The following FABP12 variants were observed in gnomAD, a reference collection of about 807,000 sequenced individuals.
FABP12 encodes fatty acid binding protein 12.
Under a neutral mutation model 13.7 loss-of-function variants are expected in FABP12, and 19 were observed. That is an observed-to-expected ratio of 1.39 (90% CI 0.97 to 2.04). The LOEUF (loss-of-function observed/expected upper bound fraction) is 2.04, where lower values mean the gene tolerates loss of function less well. Among genes scored for constraint, FABP12 ranks in the 30% most tolerant of loss-of-function variants. The probability of loss-of-function intolerance (pLI) is 0.00; values close to 1 mark genes in which losing one functional copy is unlikely to be tolerated. For synonymous variants in FABP12, 61 were observed against 57.0 expected (o/e 1.07, Z -0.32); for missense variants, 182 against 164.2 (o/e 1.11, Z -0.59).
chr8:81,540,532 G>A (rs1166497983), intron 1 of FABP12, among the ~76,000 whole-genome samples: 1 of 152,124 alleles, frequency 6.6e-6, no homozygotes, highest in East Asian at 1.9e-4. Context: ...ACAAAATTGA[G>A]GGATATTCTA....
intron 1 of FABP12, among the ~76,000 whole-genome samples, chr8:81,571,909 A>G (rs1809938716): frequency 6.6e-6 from 1 of 152,060 alleles, no homozygotes; most frequent in South Asian, 2.1e-4. Flanking sequence ...TATGCTTACT[A>G]TTAAGATTTT....
intron 1 of FABP12, among the ~76,000 whole-genome samples, chr8:81,557,309 T>C (rs534834476): frequency 1.3e-5 from 2 of 152,230 alleles, no homozygotes; most frequent in Non-Finnish European, 2.9e-5. Context: ...TTTCCTGATA[T>C]GGACAAAGTA....
At chr8:81,568,327 G>C (rs1368351716) in intron 1 of FABP12, among the ~76,000 whole-genome samples, 3 of 152,082 alleles carry the variant, frequency 2.0e-5, no homozygotes, top group Non-Finnish European at 4.4e-5. Flanking sequence ...GATCTGAATA[G>C]ATATTTCTCA....
intron 1 of FABP12, among the ~76,000 whole-genome samples, chr8:81,569,829 G>A (rs1428065565): frequency 6.6e-6 from 1 of 152,180 alleles, no homozygotes; most frequent in African/African-American, 2.4e-5. Flanking sequence ...GATCTTTGGG[G>A]TGTTGCTTTT....
intron 1 of FABP12, among the ~76,000 whole-genome samples, chr8:81,574,986 G>A (rs1406711796): frequency 6.8e-5 from 10 of 147,772 alleles, no homozygotes; most frequent in Non-Finnish European, 1.5e-4. Context: ...CTTTTTTTCT[G>A]CTGGGTTTGG....
upstream of FABP12, among the ~76,000 whole-genome samples, chr8:81,535,013 G>A (rs1241088491): frequency 6.6e-6 from 1 of 152,198 alleles, no homozygotes; most frequent in Non-Finnish European, 1.5e-5. Flanking sequence ...GATCTTTCCT[G>A]ATTGAGGTAG....
At chr8:81,541,397 A>G (rs1415653285) in intron 1 of FABP12, among the ~76,000 whole-genome samples, 1 of 152,186 alleles carries the variant, frequency 6.6e-6, no homozygotes, top group Non-Finnish European at 1.5e-5. Flanking sequence ...CTGGGAATTA[A>G]CATTAGCTCA....
chr8:81,553,524 G>C (rs1000424806), intron 1 of FABP12, among the ~76,000 whole-genome samples: 1 of 152,040 alleles, frequency 6.6e-6, no homozygotes, highest in African/African-American at 2.4e-5. Context: ...TTTTTCTGCA[G>C]AGCAGAATTA....
intron 1 of FABP12, among the ~76,000 whole-genome samples, chr8:81,546,580 G>A (rs886883574): frequency 6.6e-6 from 1 of 152,104 alleles, no homozygotes; most frequent in Non-Finnish European, 1.5e-5. Context: ...GGAGAATGGC[G>A]TCAACCTGGG....
intron 1 of FABP12, among the ~76,000 whole-genome samples, chr8:81,569,879 T>C (rs1008865859): frequency 1.1e-4 from 16 of 152,248 alleles, no homozygotes; most frequent in Admixed American, 2.6e-4. Context: ...TTTGCCCAAG[T>C]TTTGCTCAGG....
At chr8:81,559,453 G>T (rs192937818) in intron 1 of FABP12, among the ~76,000 whole-genome samples, 1 of 152,294 alleles carries the variant, frequency 6.6e-6, no homozygotes, top group East Asian at 1.9e-4. Flanking sequence ...TCATGTATGG[G>T]TCTAGGCCCC....
chr8:81,587,507 CT>C lies in FABP12; in HGVS notation c.-185+2545del, dbSNP rs553314014. On this transcript the variant is annotated intron_variant, in intron 1 of 5. Transcript: ENST00000692030. ...AATTCTCATTGTACAGATATTTCAC[CT>C]CCCTGGTTAGCTGTATTTATAGATA... is the stretch of plus-strand genomic sequence containing the variant. Among the ~76,000 whole-genome samples the C allele has an allele frequency of 1.4e-3, 214 of 152,128 alleles. 1 individual carries two copies. The highest frequency in any genetic ancestry group is 6.9e-3 in the Middle Eastern group (2 of 290).
chr8:81,585,399 C>G (rs1700972026), intron 1 of FABP12, among the ~76,000 whole-genome samples: 1 of 152,042 alleles, frequency 6.6e-6, no homozygotes, highest in African/African-American at 2.4e-5. Context: ...CTGTAAATAT[C>G]TGGATTTATA....
chr8:81,584,253 G>T (rs1810209693), intron 1 of FABP12, among the ~76,000 whole-genome samples: 1 of 152,216 alleles, frequency 6.6e-6, no homozygotes, highest in Non-Finnish European at 1.5e-5. Flanking sequence ...AGTGTCAAAG[G>T]CGTGGTGTTA....
chr8:81,535,528 G>T (rs190901818), upstream of FABP12, among the ~76,000 whole-genome samples: 1 of 152,154 alleles, frequency 6.6e-6, no homozygotes, highest in Admixed American at 6.5e-5. Flanking sequence ...GGAATCCACA[G>T]ACCTACCGGA....
At chr8:81,562,464 T>C (rs1436525963) in intron 1 of FABP12, among the ~76,000 whole-genome samples, 2 of 152,154 alleles carry the variant, frequency 1.3e-5, no homozygotes, top group Non-Finnish European at 2.9e-5. Context: ...ACACCAGGTG[T>C]CATCTTGGGG....
At chr8:81,543,765 A>T (rs1266712371) in intron 1 of FABP12, among the ~76,000 whole-genome samples, 1 of 151,916 alleles carries the variant, frequency 6.6e-6, no homozygotes, top group African/African-American at 2.4e-5. Flanking sequence ...TATAGTTAGA[A>T]GAATAAATTC....
intron 1 of FABP12, among the ~76,000 whole-genome samples, chr8:81,575,455 A>G (rs183807993): frequency 6.6e-6 from 1 of 152,188 alleles, no homozygotes; most frequent in Admixed American, 6.5e-5. Context: ...TGTTCTGTAT[A>G]TACCTGTTAG....
At chr8:81,557,817 T>C (rs1010097927) in intron 1 of FABP12, among the ~76,000 whole-genome samples, 1 of 152,246 alleles carries the variant, frequency 6.6e-6, no homozygotes, top group Non-Finnish European at 1.5e-5. Flanking sequence ...AAAAGCTTTT[T>C]TTTCCTGTAA....
Sources: gnomAD v4.1 joint callset for allele counts (sites outside exome capture counted in the v4.1 genomes callset) on GRCh38, gnomAD v4.1.1 for gene constraint, MANE v1.5 for transcripts, NCBI Gene and HGNC (gene_info 2026-07-23, HGNC 2026-07-21) for gene names.